Variants in TTLL9 observed in about 807,000 individuals in gnomAD.
TTLL9 encodes tubulin tyrosine ligase like 9, also known as probable tubulin polyglutamylase TTLL9.
A neutral mutation model predicts 65.6 loss-of-function variants in TTLL9; 47 were observed. The observed-to-expected ratio is 0.72, with a 90% CI of 0.57 to 0.91. TTLL9 has a LOEUF of 0.91. Among genes scored for constraint, TTLL9 ranks in the 40% least tolerant of loss-of-function variants. The pLI, the probability that TTLL9 is intolerant of heterozygous loss-of-function variation, is 0.00. For missense variants in TTLL9, 537 were observed against 568.8 expected, an observed-to-expected ratio of 0.94 and a Z score of 0.57; for synonymous variants, 179 against 204.8, an observed-to-expected ratio of 0.87 and a Z score of 1.07.
At chr20:31,889,763 TCTCA>T (rs2063257922) in intron 3 of TTLL9, among the ~76,000 whole-genome samples, 1 of 150,646 alleles carries the variant, frequency 6.6e-6, no homozygotes, top group African/African-American at 2.4e-5. Flanking sequence ...AGTTATGAGG[TCTCA>T]CTATGTTGCC....
intron 4 of TTLL9, 79 bp downstream of exon 4, chr20:31,898,644 C>G (rs1422899096): frequency 7.6e-7 from 1 of 1,323,898 alleles, no homozygotes; most frequent in Admixed American, 1.9e-5. Flanking sequence ...TCTCCCAGTT[C>G]CCCTGGGTGG....
intron 1 of TTLL9, 85 bp from the exon 2 acceptor site, chr20:31,871,037 C>A: frequency 7.9e-7 from 1 of 1,273,394 alleles, no homozygotes; most frequent in South Asian, 1.2e-5. Context: ...ATTCTCCCAC[C>A]CTCCTGTTCA....
chr20:31,880,920 T>G (rs1279705299), intron 2 of TTLL9, among the ~76,000 whole-genome samples: 1 of 150,048 alleles, frequency 6.7e-6, no homozygotes, highest in African/African-American at 2.5e-5. Context: ...AGTGGTGTTA[T>G]CTTGGCTCAG....
At chr20:31,934,974 A>G (rs1348085540) in intron 12 of TTLL9, 86 bp downstream of exon 12, 2 of 1,293,512 alleles carry the variant, frequency 1.5e-6, no homozygotes, top group African/African-American at 2.9e-5. Context: ...AGCTCTGCCA[A>G]TTCCTAGTTG....
intron 10 of TTLL9, among the ~76,000 whole-genome samples, chr20:31,932,689 G>A (rs1357716048): frequency 6.6e-6 from 1 of 152,010 alleles, no homozygotes; most frequent in African/African-American, 2.4e-5. Flanking sequence ...AGAAAGTCAG[G>A]TCTTATGGTC....
At chr20:31,890,141 C>CTT (rs1430885222) in intron 3 of TTLL9, among the ~76,000 whole-genome samples, 1 of 108,860 alleles carries the variant, frequency 9.2e-6, no homozygotes, top group African/African-American at 3.7e-5. Flanking sequence ...TTCCTTCCTT[C>CTT]CTTCCTTCCT....
intron 6 of TTLL9, among the ~76,000 whole-genome samples, chr20:31,916,748 A>C (rs1442074073): frequency 1.3e-5 from 2 of 152,226 alleles, no homozygotes; most frequent in African/African-American, 4.8e-5. Flanking sequence ...AGACTGTAGC[A>C]TTCAAAGAAA....
intron 10 of TTLL9, among the ~76,000 whole-genome samples, chr20:31,932,876 A>T (rs2064043739): frequency 6.6e-6 from 1 of 151,948 alleles, no homozygotes; most frequent in South Asian, 2.1e-4. Flanking sequence ...GGCACCTGTA[A>T]TCCCCGCTAC....
rs746084067 is a variant in TTLL9, at chr20:31,908,645, C to A, written c.261C>A (p.Phe87Leu). Residue 87 changes from phenylalanine (F) to leucine (L), a missense_variant, in exon 5 of 15, where the codon TTC (phenylalanine) becomes TTA (leucine). Physicochemically the swap from Phe to Leu is conservative, Grantham distance 22. This residue lies in a region of TTLL9 where 320 missense variants were observed against 311.0 expected (regional missense o/e 1.03). Coordinates refer to ENST00000535842, the MANE Select transcript of TTLL9 (RefSeq NM_001008409.5). Reference sequence around the variant, plus strand: ...ACGTCAGCTGGCTCCGGGAGAACTTCGACCACACCTACATGGATGAACATG... The same window carrying A: ...ACGTCAGCTGGCTCCGGGAGAACTTAGACCACACCTACATGGATGAACATG... ...WCDVSWLREN[F>L]DHTYMDEHVR... 1.4e-5 allele frequency: 22 copies of A among 1,613,942 alleles called. No homozygotes were observed. The South Asian group carries it at 2.2e-4, about 16-fold the overall frequency.
At chr20:31,910,240 G>A (rs919256511) in intron 6 of TTLL9, among the ~76,000 whole-genome samples, 3 of 152,178 alleles carry the variant, frequency 2.0e-5, no homozygotes, top group African/African-American at 7.2e-5. Flanking sequence ...CTCGGGGGAG[G>A]GATCAACAGC....
At chr20:31,939,394 C>T in intron 14 of TTLL9, 128 bp downstream of exon 14, 1 of 1,158,914 alleles carries the variant, frequency 8.6e-7, no homozygotes, top group East Asian at 2.9e-5. Context: ...AGCTGTGTGA[C>T]CTTGGGCAAG....
At chr20:31,907,029 C>G (rs186063279) in intron 4 of TTLL9, among the ~76,000 whole-genome samples, 1 of 152,098 alleles carries the variant, frequency 6.6e-6, no homozygotes, top group Non-Finnish European at 1.5e-5. Context: ...TAGAATAACT[C>G]GACCCCTATG....
chr20:31,909,603 A>G, intron 5 of TTLL9, 134 bp from the exon 6 acceptor site: 5 of 734,408 alleles, frequency 6.8e-6, no homozygotes, highest in South Asian at 1.8e-5. Context: ...TTTCTGGGTC[A>G]AAGTTACTCT....
Position 31,934,748 on chromosome 20 carries a change from C to T in TTLL9, c.864C>T (p.Pro288=), listed in dbSNP as rs751970916. Reference sequence around the variant, plus strand: ...AGTACCTGGCGTCCAAACACGGGCCCGAGGCAGTGGAGACACTCTTCAGGG... The same window carrying T: ...AGTACCTGGCGTCCAAACACGGGCCTGAGGCAGTGGAGACACTCTTCAGGG... ...FRQYLASKHG[P]EAVETLFRDI... is the part of the protein sequence containing the mutation. The change falls in exon 12 of 15, where the codon CCC becomes CCT. Residue 288 remains proline (P), a synonymous_variant. Transcript: ENST00000535842. 22 of 1,612,736 alleles carry T rather than the reference C, an allele frequency of 1.4e-5. No homozygotes were observed. Among genetic ancestry groups the T allele is most frequent in the African/African-American group, 2.7e-5 (2 of 74,868 alleles).
chr20:31,878,256 T>C (rs1249150247), intron 2 of TTLL9, among the ~76,000 whole-genome samples: 1 of 152,264 alleles, frequency 6.6e-6, no homozygotes, highest in African/African-American at 2.4e-5. Context: ...TTATCTTGGA[T>C]TTTTAAATGC....
At chr20:31,926,326 T>C (rs2063906443) in intron 10 of TTLL9, among the ~76,000 whole-genome samples, 1 of 152,222 alleles carries the variant, frequency 6.6e-6, no homozygotes, top group South Asian at 2.1e-4. Context: ...GCCTAGTCAT[T>C]GGCTCACTCA....
intron 3 of TTLL9, among the ~76,000 whole-genome samples, chr20:31,888,016 CT>C (rs2063224078): frequency 6.6e-6 from 1 of 151,852 alleles, no homozygotes; most frequent in African/African-American, 2.4e-5. Context: ...TCCCGAGTAG[CT>C]GAGATTACAG....
intron 10 of TTLL9, among the ~76,000 whole-genome samples, chr20:31,926,301 G>A (rs2063906043): frequency 6.6e-6 from 1 of 152,180 alleles, no homozygotes; most frequent in Non-Finnish European, 1.5e-5. Context: ...CCTTTTATGT[G>A]CCTCTTTCTT....
chr20:31,910,440 T>C (rs2063629463), intron 6 of TTLL9, among the ~76,000 whole-genome samples: 1 of 152,160 alleles, frequency 6.6e-6, no homozygotes, highest in Admixed American at 6.5e-5. Context: ...GTTGCAGTTG[T>C]GCTGTTATTA....
Sources: gnomAD v4.1 joint callset for allele counts (sites outside exome capture counted in the v4.1 genomes callset) on GRCh38, gnomAD v4.1.1 for gene constraint, gnomAD v4.1.1 regional missense constraint, MANE v1.5 for transcripts, NCBI Gene and HGNC (gene_info 2026-07-23, HGNC 2026-07-21) for gene names.